The following CNTLN variants were observed in gnomAD, a reference collection of about 807,000 sequenced individuals.
The protein encoded by CNTLN is centlein, centrosomal protein.
Under a neutral mutation model 180.0 loss-of-function variants are expected in CNTLN, and 212 were observed. The ratio of observed to expected loss-of-function variants is 1.18; its 90% CI spans 1.05 to 1.32. CNTLN has a LOEUF of 1.32. Among genes scored for constraint, CNTLN ranks in the 40% most tolerant of loss-of-function variants. CNTLN has a pLI of 0.00. For synonymous variants in CNTLN, 722 were observed against 563.1 expected, an observed-to-expected ratio of 1.28 and a Z score of -3.99; for missense variants, 2,095 against 1,610.9, an observed-to-expected ratio of 1.30 and a Z score of -5.14.
At chr9:17,272,072 G>C (rs1587440250) in intron 5 of CNTLN, among the ~76,000 whole-genome samples, 1 of 110,724 alleles carries the variant, frequency 9.0e-6, no homozygotes, top group Non-Finnish European at 1.7e-5. Flanking sequence ...TTTCCTTTCT[G>C]TCCTTTCTTT....
At chr9:17,258,749 G>A (rs947086146) in intron 5 of CNTLN, among the ~76,000 whole-genome samples, 14 of 146,332 alleles carry the variant, frequency 9.6e-5, no homozygotes, top group African/African-American at 2.9e-4. Flanking sequence ...GTGAATGTGA[G>A]TTCACTCATG....
intron 2 of CNTLN, among the ~76,000 whole-genome samples, chr9:17,195,331 T>A (rs967392691): frequency 6.6e-6 from 1 of 152,174 alleles, no homozygotes; most frequent in African/African-American, 2.4e-5. Flanking sequence ...TAATTTGACC[T>A]GTAATATTGC....
intron 5 of CNTLN, among the ~76,000 whole-genome samples, chr9:17,257,356 T>A (rs1346543552): frequency 6.6e-6 from 1 of 152,198 alleles, no homozygotes; most frequent in East Asian, 1.9e-4. Flanking sequence ...TGTGCCACAT[T>A]TTCTTAATCC....
chr9:17,415,738 G>A (rs576791298), intron 16 of CNTLN, 50 bp from the exon 17 acceptor site: 2 of 1,086,836 alleles, frequency 1.8e-6, no homozygotes, highest in Non-Finnish European at 1.4e-6. Context: ...CAGTTCACTT[G>A]ATGTTGTTAT....
At chr9:17,515,826 C>T in the CNTLN span, among the ~76,000 whole-genome samples, 1 of 152,168 alleles carries the variant, frequency 6.6e-6, no homozygotes, top group African/African-American at 2.4e-5. Flanking sequence ...TATTCACCAC[C>T]CAGCTTTCAT....
At chr9:17,224,327 T>C (rs1285375434) in intron 2 of CNTLN, among the ~76,000 whole-genome samples, 1 of 152,174 alleles carries the variant, frequency 6.6e-6, no homozygotes, top group African/African-American at 2.4e-5. Context: ...CAATAAATAC[T>C]TGAATGAGTG....
At chr9:17,147,627 G>C (rs2774626) in intron 2 of CNTLN, among the ~76,000 whole-genome samples, 31,199 of 142,084 alleles carry the variant, frequency 0.22, 3,515 homozygotes, top group East Asian at 0.51. Flanking sequence ...GGCTGCTGCT[G>C]TTGTTTCCCA....
intron 18 of CNTLN, among the ~76,000 whole-genome samples, chr9:17,446,759 G>C (rs1346750323): frequency 6.6e-6 from 1 of 152,062 alleles, no homozygotes; most frequent in Non-Finnish European, 1.5e-5. Context: ...CCTCTGGCTA[G>C]TCCACAAAGG....
At chr9:17,184,188 G>A (rs1821291455) in intron 2 of CNTLN, among the ~76,000 whole-genome samples, 1 of 152,046 alleles carries the variant, frequency 6.6e-6, no homozygotes, top group African/African-American at 2.4e-5. Flanking sequence ...GATTTTTACC[G>A]ACAAACGGAC....
intron 14 of CNTLN, 79 bp downstream of exon 14, chr9:17,388,332 G>C (rs1447366131): frequency 1.1e-6 from 1 of 932,952 alleles, no homozygotes; most frequent in Non-Finnish European, 1.7e-6. Context: ...TAAAACGAGG[G>C]CTTGTAAATG....
chr9:17,169,780 C>T (rs7857030), intron 2 of CNTLN, among the ~76,000 whole-genome samples: 17 of 152,012 alleles, frequency 1.1e-4, no homozygotes, highest in African/African-American at 3.4e-4. Context: ...ATGCCAGTAC[C>T]GTGCTGTTTT....
chr9:17,439,077 T>C (rs951533875), intron 18 of CNTLN, among the ~76,000 whole-genome samples: 2 of 152,132 alleles, frequency 1.3e-5, no homozygotes, highest in African/African-American at 2.4e-5. Context: ...TTGGAGGATA[T>C]AATTAAATAT....
At chr9:17,486,909 C>G in intron 24 of CNTLN, 80 bp from the exon 25 acceptor site, 1 of 655,232 alleles carries the variant, frequency 1.5e-6, no homozygotes, top group Non-Finnish European at 2.7e-6. Flanking sequence ...GATATTACTC[C>G]AGATTTATTC....
At chr9:17,313,608 A>G (rs925569832) in intron 8 of CNTLN, among the ~76,000 whole-genome samples, 2 of 152,000 alleles carry the variant, frequency 1.3e-5, no homozygotes, top group East Asian at 3.9e-4. Flanking sequence ...CTTGATTTTC[A>G]TTATAGTAAT....
In CNTLN at chr9:17,351,629, C is replaced by G. The variant is rs542081127; in HGVS notation, c.1886+9185C>G. Among the ~76,000 whole-genome samples the G allele has an allele frequency of 3.3e-5, 5 of 152,212 alleles. No individual in the cohort carries two copies. The South Asian group carries it at 1.0e-3, about 32-fold the overall frequency. On this transcript the variant is annotated intron_variant, in intron 12 of 25. Coordinates refer to ENST00000380647, the MANE Select transcript of CNTLN (RefSeq NM_017738.4). ...ATATTTCACATCACAAACATCCTAT[C>G]TTATTTCTTTCCATCCTCACTGTTA...
chr9:17,353,694 G>C (rs2133315581), intron 12 of CNTLN, among the ~76,000 whole-genome samples: 1 of 151,378 alleles, frequency 6.6e-6, no homozygotes, highest in South Asian at 2.1e-4. Context: ...CTGCCTCTTG[G>C]TTTCAAGCAA....
intron 25 of CNTLN, 101 bp from the exon 26 acceptor site, chr9:17,502,450 G>C (rs541127619): frequency 1.8e-6 from 1 of 569,936 alleles, no homozygotes; most frequent in South Asian, 2.4e-5. Flanking sequence ...TGGCTGCAAA[G>C]TTGCAGACAT....
chr9:17,468,699 A>C (rs1014658852), intron 23 of CNTLN, among the ~76,000 whole-genome samples: 3 of 151,742 alleles, frequency 2.0e-5, no homozygotes, highest in Admixed American at 1.3e-4. Flanking sequence ...ATATACTTGA[A>C]GTTTCATGAC....
Position 17,326,855 on chromosome 9 carries a change from G to T in CNTLN, c.1342-3777G>T, listed in dbSNP as rs545306579. ...AAACTGTCAAGGTCATGAAAGACAA[G>T]GAAGGTCTGAGAAAACAGCCAAAAG... On this transcript the variant is annotated intron_variant, in intron 8 of 25. Transcript: ENST00000380647. Among the ~76,000 whole-genome samples, 3 of 152,090 alleles carry T rather than the reference G, an allele frequency of 2.0e-5. 1 individual carries two copies. Among genetic ancestry groups the T allele is most frequent in the South Asian group, 4.1e-4 (2 of 4,830 alleles).
Sources: allele counts gnomAD v4.1 joint callset (sites outside exome capture counted in the v4.1 genomes callset), GRCh38; gene constraint gnomAD v4.1.1; transcripts MANE v1.5; gene names NCBI Gene and HGNC (gene_info 2026-07-23, HGNC 2026-07-21).